ADGRL3: variants seen among roughly 807,000 people sequenced by gnomAD.
ADGRL3 encodes adhesion G protein-coupled receptor L3.
A neutral mutation model predicts 153.5 loss-of-function variants in ADGRL3; 62 were observed. The observed-to-expected ratio is 0.40, with a 90% confidence interval of 0.33 to 0.50. The LOEUF (loss-of-function observed/expected upper bound fraction) is 0.50, where lower values mean the gene tolerates loss of function less well. ADGRL3 is among the 20% of genes least tolerant of loss of function. The pLI is 0.47. For missense variants in ADGRL3, 1,641 were observed against 1,859.4 expected (o/e 0.88, Z 2.16); for synonymous variants, 710 against 672.5 (o/e 1.06, Z -0.86).
intron 9 of ADGRL3, among the ~76,000 whole-genome samples, chr4:61,842,919 G>GA (rs1307349391): frequency 1.3e-5 from 2 of 152,118 alleles, no homozygotes; most frequent in Non-Finnish European, 2.9e-5. Flanking sequence ...TTTCAGCACT[G>GA]GTTCTTTAAG....
At chr4:61,300,991 C>T (rs2094566235) in intron 1 of ADGRL3, among the ~76,000 whole-genome samples, 1 of 152,066 alleles carries the variant, frequency 6.6e-6, no homozygotes, top group Non-Finnish European at 1.5e-5. Flanking sequence ...TTTTGAACTC[C>T]TGACTTTGTG....
intron 1 of ADGRL3, among the ~76,000 whole-genome samples, chr4:61,367,316 C>T (rs1233618436): frequency 6.6e-6 from 1 of 151,628 alleles, no homozygotes; most frequent in Non-Finnish European, 1.5e-5. Flanking sequence ...ATACATGTGC[C>T]ATGCTGGTGT....
intron 9 of ADGRL3, among the ~76,000 whole-genome samples, chr4:61,859,990 G>A (rs2098324133): frequency 6.6e-6 from 1 of 152,002 alleles, no homozygotes; most frequent in Non-Finnish European, 1.5e-5. Context: ...TAAAAGTGAA[G>A]AAATATTTCT....
rs1577797459 is a variant in ADGRL3, at chr4:62,076,105, C to A, written c.*5197C>A. ...AAACTTTGTGATTTCTGCAATAAAACAGGTAGTTAATATAGTTTCGCATAA... is the reference window on the plus strand; with the variant it reads ...AAACTTTGTGATTTCTGCAATAAAAAAGGTAGTTAATATAGTTTCGCATAA... On this transcript the variant is annotated 3_prime_UTR_variant, in exon 27 of 27. Transcript: ENST00000683033. 6.6e-6 allele frequency: 1 copy of A among 152,046 alleles called. No homozygotes were observed. The highest frequency in any genetic ancestry group is 6.6e-5 in the Admixed American group (1 of 15,244). The allele number at this position is 152,046 out of a possible 1,614,324, so 9.4% of individuals were successfully genotyped here. A position where few individuals can be genotyped will look rare whatever the true frequency, so the allele number is the denominator to read the frequency against.
intron 1 of ADGRL3, among the ~76,000 whole-genome samples, chr4:61,318,031 G>T (rs1456563842): frequency 6.6e-6 from 1 of 151,642 alleles, no homozygotes; most frequent in Non-Finnish European, 1.5e-5. Context: ...CAAGAAATTA[G>T]CTGGGCGTGG....
At chr4:61,479,630 A>G (rs567080145) in intron 2 of ADGRL3, among the ~76,000 whole-genome samples, 6 of 152,274 alleles carry the variant, frequency 3.9e-5, no homozygotes, top group South Asian at 4.1e-4. Context: ...AGAAAACACC[A>G]TGGTGCATAA....
chr4:61,894,197 C>G (rs1399632759), intron 10 of ADGRL3, among the ~76,000 whole-genome samples: 6 of 152,082 alleles, frequency 3.9e-5, no homozygotes, highest in Non-Finnish European at 5.9e-5. Flanking sequence ...TTCACAACGT[C>G]TGTCATCCAG....
intron 5 of ADGRL3, among the ~76,000 whole-genome samples, chr4:61,611,208 A>T (rs1364105332): frequency 1.3e-5 from 2 of 152,032 alleles, no homozygotes; most frequent in Non-Finnish European, 2.9e-5. Context: ...CATCCAGCCT[A>T]TGGGGCAGAC....
chr4:61,828,042 A>T (rs2148822193), intron 9 of ADGRL3, among the ~76,000 whole-genome samples: 1 of 152,328 alleles, frequency 6.6e-6, no homozygotes, highest in African/African-American at 2.4e-5. Context: ...TGTGATACTG[A>T]GTCTGATAAA....
intron 1 of ADGRL3, among the ~76,000 whole-genome samples, chr4:61,369,818 T>G (rs770736312): frequency 1.8e-3 from 276 of 152,280 alleles, no homozygotes; most frequent in Non-Finnish European, 3.1e-3. Flanking sequence ...CAGTTCCTCC[T>G]TGTACCTCTG....
chr4:61,769,448 G>A (rs1276291533), intron 8 of ADGRL3, among the ~76,000 whole-genome samples: 6 of 150,856 alleles, frequency 4.0e-5, no homozygotes, highest in East Asian at 2.0e-4. Flanking sequence ...AAGACCTGAG[G>A]TCGTAGGTGG....
chr4:61,484,386 A>G (rs1223081268), intron 2 of ADGRL3, among the ~76,000 whole-genome samples: 6 of 152,270 alleles, frequency 3.9e-5, no homozygotes, highest in South Asian at 2.1e-4. Context: ...CCTACCTAAT[A>G]CTTTCCTTAG....
At chr4:61,323,487 C>A (rs918558484) in intron 1 of ADGRL3, among the ~76,000 whole-genome samples, 3 of 152,116 alleles carry the variant, frequency 2.0e-5, no homozygotes, top group Non-Finnish European at 2.9e-5. Context: ...TTCAACAGCA[C>A]CCAAGTCACC....
At chr4:61,357,052 A>G (rs1170106599) in intron 1 of ADGRL3, among the ~76,000 whole-genome samples, 1 of 152,038 alleles carries the variant, frequency 6.6e-6, no homozygotes, top group African/African-American at 2.4e-5. Context: ...TTAAAGTGTC[A>G]TTAATTTTAA....
At chr4:61,277,375 C>T (rs749763524) in intron 1 of ADGRL3, among the ~76,000 whole-genome samples, 26 of 152,104 alleles carry the variant, frequency 1.7e-4, no homozygotes, top group Admixed American at 3.3e-4. Flanking sequence ...ATAAAAAGTA[C>T]GTATTATACG....
intron 9 of ADGRL3, among the ~76,000 whole-genome samples, chr4:61,854,515 G>A (rs1161479661): frequency 6.6e-6 from 1 of 152,102 alleles, no homozygotes; most frequent in Non-Finnish European, 1.5e-5. Context: ...TTATCTCCTA[G>A]AATATAAAAA....
intron 4 of ADGRL3, among the ~76,000 whole-genome samples, chr4:61,534,423 CT>C (rs1428206262): frequency 1.3e-5 from 2 of 151,956 alleles, no homozygotes. Context: ...TATTCAGCCT[CT>C]TTTTTGATTC....
chr4:61,373,899 A>G (rs1357777638), intron 1 of ADGRL3, among the ~76,000 whole-genome samples: 1 of 152,210 alleles, frequency 6.6e-6, no homozygotes, highest in South Asian at 2.1e-4. Context: ...ATGTAGATTT[A>G]TATACTCTTC....
intron 1 of ADGRL3, among the ~76,000 whole-genome samples, chr4:61,254,803 C>A (rs577190435): frequency 6.6e-6 from 1 of 152,128 alleles, no homozygotes; most frequent in African/African-American, 2.4e-5. Flanking sequence ...TCTGCACACT[C>A]GAAACTTAGT....
Sources: allele counts gnomAD v4.1 joint callset (sites outside exome capture counted in the v4.1 genomes callset), GRCh38; gene constraint gnomAD v4.1.1; transcripts MANE v1.5; gene names NCBI Gene and HGNC (gene_info 2026-07-23, HGNC 2026-07-21).